Variants in PGAP1 observed in about 807,000 individuals in gnomAD.
PGAP1 encodes the protein post-GPI attachment to proteins inositol deacylase 1, also known as GPI inositol-deacylase.
A neutral mutation model predicts 127.0 loss-of-function variants in PGAP1; 76 were observed. The ratio of observed to expected loss-of-function variants is 0.60; its 90% confidence interval spans 0.50 to 0.72. The LOEUF (loss-of-function observed/expected upper bound fraction) is 0.72. Among genes scored for constraint, PGAP1 ranks in the 30% least tolerant of loss-of-function variants. The probability of loss-of-function intolerance (pLI) is 0.00; values close to 1 mark genes in which losing one functional copy is unlikely to be tolerated. For synonymous variants in PGAP1, 362 were observed against 366.5 expected (o/e 0.99, Z 0.14); for missense variants, 982 against 1,071.3 (o/e 0.92, Z 1.16).
chr2:196,926,698 G>A lies in PGAP1; in HGVS notation c.-82C>T. ...GGGGCCCCAAGCCCGGACTGAGCGT[G>A]CTAGACACTGTCCGACCGCCACCCC... is the stretch of plus-strand genomic sequence containing the variant. On this transcript the variant is annotated 5_prime_UTR_variant, in exon 1 of 27. Coordinates refer to ENST00000354764, the MANE Select transcript of PGAP1 (RefSeq NM_024989.4). The A allele has an allele frequency of 1.3e-6, 2 of 1,578,186 alleles. No individual in the cohort carries two copies. Among genetic ancestry groups the A allele is most frequent in the African/African-American group, 1.4e-5 (1 of 73,600 alleles).
In PGAP1 at chr2:196,839,201, TTTCTAAAG is replaced by T. The variant is rs1296230084; in HGVS notation, c.*2025_*2032del. ...CAATAGAAGATCCAAATTAATGAAT[TTTCTAAAG>T]TTCTTTCTGTATATGGAACTAAGTC... On this transcript the variant is annotated 3_prime_UTR_variant, in exon 27 of 27. Coordinates refer to ENST00000354764, the MANE Select transcript of PGAP1 (RefSeq NM_024989.4). 2.0e-5 allele frequency: 3 copies of T among 152,616 alleles called. No individual in the cohort carries two copies. The highest frequency in any genetic ancestry group is 7.2e-5 in the African/African-American group (3 of 41,438). The allele number at this position is 152,616 out of a possible 1,614,324, so 9.5% of individuals were successfully genotyped here.
intron 20 of PGAP1, among the ~76,000 whole-genome samples, chr2:196,849,489 T>G (rs1334014900): frequency 2.0e-5 from 3 of 151,486 alleles, no homozygotes; most frequent in Non-Finnish European, 4.4e-5. Flanking sequence ...TTAGCTAGGA[T>G]GGTCTGGATC....
rs1701686763 is a variant in PGAP1, at chr2:196,880,159, A to AT, written c.1273-7dup. ...TGAAGTCTTAATGTCAGATACTAAAATAAAAAAAAAAGAAACTACTTTTAT... is the reference window on the plus strand; with the variant it reads ...TGAAGTCTTAATGTCAGATACTAAAATTAAAAAAAAAAGAAACTACTTTTAT... On this transcript the variant is annotated splice_polypyrimidine_tract_variant and splice_region_variant and intron_variant, in intron 12 of 26. Coordinates refer to ENST00000354764, the MANE Select transcript of PGAP1 (RefSeq NM_024989.4). The AT allele has an allele frequency of 6.7e-7, 1 of 1,481,556 alleles. No homozygotes were observed. Among genetic ancestry groups the AT allele is most frequent in the East Asian group, 2.4e-5 (1 of 41,874 alleles). The allele number at this position is 1,481,556 out of a possible 1,614,324, so 91.8% of individuals were successfully genotyped here. A position where few individuals can be genotyped will look rare whatever the true frequency, so the allele number is the denominator to read the frequency against.
At chr2:196,905,624 C>T (rs1023409958) in intron 4 of PGAP1, among the ~76,000 whole-genome samples, 2 of 152,078 alleles carry the variant, frequency 1.3e-5, no homozygotes, top group Non-Finnish European at 2.9e-5. Flanking sequence ...GGAACAGCTC[C>T]GGTCTACAGC....
At chr2:196,871,649 A>T (rs1279808774) in intron 18 of PGAP1, among the ~76,000 whole-genome samples, 1 of 152,190 alleles carries the variant, frequency 6.6e-6, no homozygotes, top group Non-Finnish European at 1.5e-5. Flanking sequence ...ATTCCATGAA[A>T]TCTAAATTAA....
rs146523577 is a variant in PGAP1, at chr2:196,883,569, C to G, written c.1272+1855G>C. Among the ~76,000 whole-genome samples, 1,198 of 152,262 alleles carry G rather than the reference C, an allele frequency of 7.9e-3. 10 individuals carry two copies. The highest frequency in any genetic ancestry group is 0.027 in the African/African-American group (1,138 of 41,560). The stretch of plus-strand genomic sequence containing the variant: ...GAACTTGGATAATCTGTGCAGCTAT[C>G]CACTCTAATGGCTTTTAAGTATTTA... On this transcript the variant is annotated intron_variant, in intron 12 of 26. Transcript: ENST00000354764.
Position 196,874,947 on chromosome 2 carries a change from C to G in PGAP1, c.1426+799G>C, listed in dbSNP as rs533691219. 3.3e-5 allele frequency among the ~76,000 whole-genome samples: 5 copies of G among 152,260 alleles called. No homozygotes were observed. In the South Asian group the frequency reaches 1.0e-3, roughly 32 times the overall value. Reference sequence around the variant, plus strand: ...GGAAGGATCGCTTAAGCCCAGGAGGCAGAGGTTGCAGTGAGCTGGGATCAT... The same window carrying G: ...GGAAGGATCGCTTAAGCCCAGGAGGGAGAGGTTGCAGTGAGCTGGGATCAT... On this transcript the variant is annotated intron_variant, in intron 14 of 26. Transcript: ENST00000354764.
In PGAP1 at chr2:196,897,206, T is replaced by TA. The variant is rs1318548694; in HGVS notation, c.861-10dup. On this transcript the variant is annotated splice_polypyrimidine_tract_variant and intron_variant, in intron 6 of 26. Transcript: ENST00000354764. The stretch of plus-strand genomic sequence containing the variant: ...ACTGCAATTGTTTACACCTAAGGAA[T>TA]AAAGTAAGTGTTACAAATAAAACTT... 2.6e-6 allele frequency: 4 copies of TA among 1,533,456 alleles called. No individual in the cohort carries two copies. The African/African-American group carries it at 5.5e-5, about 21-fold the overall frequency. The allele number at this position is 1,533,456 out of a possible 1,614,324, so 95.0% of individuals were successfully genotyped here.
rs183776147 is a variant in PGAP1, at chr2:196,862,432, C to T, written c.1861+2555G>A. 1.1e-3 allele frequency among the ~76,000 whole-genome samples: 172 copies of T among 152,228 alleles called. No homozygotes were observed. In the East Asian group the frequency reaches 0.02, roughly 17 times the overall value. ...TTCATTAGCAATTTTAATTTCGCCC[C>T]GGTCCTGTGGTCCTGTGATCTCACC... is the stretch of plus-strand genomic sequence containing the variant. On this transcript the variant is annotated intron_variant, in intron 20 of 26. Coordinates refer to ENST00000354764, the MANE Select transcript of PGAP1 (RefSeq NM_024989.4).
chr2:196,895,347 T>C (rs886943018), intron 7 of PGAP1, among the ~76,000 whole-genome samples: 9 of 152,216 alleles, frequency 5.9e-5, no homozygotes, highest in African/African-American at 2.2e-4. Flanking sequence ...ATCCTGTTCT[T>C]CACCAGTCGG....
At chr2:196,894,371 T>C (rs1702199452) in intron 7 of PGAP1, among the ~76,000 whole-genome samples, 1 of 152,158 alleles carries the variant, frequency 6.6e-6, no homozygotes, top group African/African-American at 2.4e-5. Flanking sequence ...ACGGTGTCAG[T>C]AGAGTGGAGG....
In PGAP1 at chr2:196,892,350, TA is replaced by T; in HGVS notation, c.1084del (p.Tyr362ThrfsTer40). ...VKVSKWTYVA[Y>X]NESEKIYFTF... ...ATCCATTGGTGGAATACTTACGTTGTAAGCTACATAGGTCCATTTGGACACT... is the reference window on the plus strand; with the variant it reads ...ATCCATTGGTGGAATACTTACGTTGTAGCTACATAGGTCCATTTGGACACT... On this transcript the variant is annotated frameshift_variant, in exon 9 of 27. Transcript: ENST00000354764. LOFTEE classifies it high-confidence loss of function. The T allele has an allele frequency of 7.0e-7, 1 of 1,429,548 alleles. No homozygotes were observed. Among genetic ancestry groups the T allele is most frequent in the Non-Finnish European group, 9.6e-7 (1 of 1,040,568 alleles). 88.6% of individuals were successfully genotyped at this position (1,429,548 alleles called of 1,614,324 possible).
At chr2:196,863,610 T>C (rs1485927439) in intron 20 of PGAP1, among the ~76,000 whole-genome samples, 1 of 152,076 alleles carries the variant, frequency 6.6e-6, no homozygotes. Context: ...TTAATGGGTA[T>C]AAAAATACAG....
intron 3 of PGAP1, among the ~76,000 whole-genome samples, chr2:196,914,012 T>C (rs1450782172): frequency 6.6e-6 from 1 of 152,200 alleles, no homozygotes; most frequent in Non-Finnish European, 1.5e-5. Flanking sequence ...TTGTGGACAC[T>C]ATTTCAGCCA....
chr2:196,879,503 T>C (rs1701665440), intron 13 of PGAP1, among the ~76,000 whole-genome samples: 1 of 152,180 alleles, frequency 6.6e-6, no homozygotes, highest in South Asian at 2.1e-4. Flanking sequence ...AAGACCATCC[T>C]GGCCAGCATG....
intron 17 of PGAP1, 95 bp downstream of exon 17, chr2:196,872,865 C>T: frequency 6.4e-6 from 4 of 622,350 alleles, no homozygotes; most frequent in Non-Finnish European, 1.1e-5. Context: ...TTTACTGATG[C>T]ATTTTAATAA....
chr2:196,888,660 G>A (rs528801931), intron 10 of PGAP1, among the ~76,000 whole-genome samples: 99 of 152,194 alleles, frequency 6.5e-4, no homozygotes, highest in African/African-American at 2.2e-3. Flanking sequence ...TTATAAAAGA[G>A]ACATAAGATC....
At chr2:196,901,648 C>A (rs570124305) in intron 5 of PGAP1, among the ~76,000 whole-genome samples, 1 of 152,200 alleles carries the variant, frequency 6.6e-6, no homozygotes, top group Admixed American at 6.5e-5. Flanking sequence ...GGAAACTTGA[C>A]TCACTTTACA....
chr2:196,844,503 A>C (rs1013784853), intron 24 of PGAP1, 21 bp downstream of exon 24: 3 of 1,552,694 alleles, frequency 1.9e-6, no homozygotes, highest in Non-Finnish European at 1.7e-6. Context: ...ATTTATGTAG[A>C]GTTTTGAAAA....
Sources: gnomAD v4.1 joint callset for allele counts (sites outside exome capture counted in the v4.1 genomes callset) on GRCh38, gnomAD v4.1.1 for gene constraint, MANE v1.5 for transcripts, NCBI Gene and HGNC (gene_info 2026-07-23, HGNC 2026-07-21) for gene names.